C9orf43: variants seen among roughly 807,000 people sequenced by gnomAD.
The protein encoded by C9orf43 is chromosome 9 open reading frame 43, also known as uncharacterized protein C9orf43.
Under a neutral mutation model 59.1 loss-of-function variants are expected in C9orf43, and 45 were observed. The observed-to-expected ratio is 0.76, with a 90% CI of 0.60 to 0.98. The LOEUF (loss-of-function observed/expected upper bound fraction) is 0.98. C9orf43 is among the 50% of genes least tolerant of loss of function. The pLI is 0.00. For synonymous variants in C9orf43, 203 were observed against 196.8 expected (o/e 1.03, Z -0.26); for missense variants, 533 against 554.9 (o/e 0.96, Z 0.40).
chr9:113,417,365 A>G (rs1828403845), intron 3 of C9orf43, among the ~76,000 whole-genome samples: 1 of 152,210 alleles, frequency 6.6e-6, no homozygotes, highest in South Asian at 2.1e-4. Context: ...ACTGGATTTT[A>G]GGCCCTTTGA....
At position 113,419,136 on chromosome 9, in the gene C9orf43, T is replaced by C; in HGVS notation, c.316T>C (p.Leu106=). The part of the protein sequence containing the change: ...RPPKGLPDKS[L]INCTNRLPKF... ...TCCGAAGGGTTTACCTGACAAAAGT[T>C]TGATCAACTGTACTAACAGACTTCC... The change falls in exon 4 of 14, where the codon TTG becomes CTG. Residue 106 remains leucine, a synonymous_variant. Transcript: ENST00000374165. 6.2e-7 allele frequency: 1 copy of C among 1,610,544 alleles called. No homozygotes were observed. The highest frequency in any genetic ancestry group is 1.3e-5 in the African/African-American group (1 of 74,994).
At chr9:113,423,244 T>A in intron 6 of C9orf43, 82 bp from the exon 7 acceptor site, 2 of 1,373,430 alleles carry the variant, frequency 1.5e-6, no homozygotes, top group Admixed American at 3.9e-5. Flanking sequence ...GCCAGGGTAG[T>A]GTTGAGAGGC....
intron 1 of C9orf43, among the ~76,000 whole-genome samples, chr9:113,413,026 G>T (rs1828227831): frequency 6.6e-6 from 1 of 152,228 alleles, no homozygotes; most frequent in African/African-American, 2.4e-5. Flanking sequence ...GCTTTTTGGA[G>T]ATGGTGGCAT....
intron 7 of C9orf43, 68 bp downstream of exon 7, chr9:113,423,566 A>C (rs748192032): frequency 7.9e-5 from 116 of 1,469,916 alleles, no homozygotes; most frequent in Non-Finnish European, 1.0e-4. Context: ...GATGGGTCTA[A>C]ACAGTGTGCT....
intron 1 of C9orf43, chr9:113,411,282 A>C: frequency 1.8e-5 from 5 of 273,704 alleles, no homozygotes; most frequent in African/African-American, 2.3e-5. Context: ...AACCATTCTC[A>C]AGGTTTTGCA....
intron 3 of C9orf43, among the ~76,000 whole-genome samples, chr9:113,414,561 A>G (rs1828291240): frequency 6.6e-6 from 1 of 152,004 alleles, no homozygotes; most frequent in Non-Finnish European, 1.5e-5. Context: ...TTGGGATTAC[A>G]GGCATGAGAC....
chr9:113,418,801 A>T (rs1828467947), intron 3 of C9orf43, among the ~76,000 whole-genome samples: 2 of 152,158 alleles, frequency 1.3e-5, no homozygotes, highest in African/African-American at 4.8e-5. Flanking sequence ...CATCTACATC[A>T]AAGTACTTAA....
At chr9:113,423,074 G>T (rs933726745) in intron 6 of C9orf43, among the ~76,000 whole-genome samples, 7 of 152,090 alleles carry the variant, frequency 4.6e-5, no homozygotes, top group Admixed American at 1.3e-4. Flanking sequence ...ATAAATTTTT[G>T]TTCAGTTTGT....
intron 11 of C9orf43, among the ~76,000 whole-genome samples, chr9:113,427,047 A>C (rs957139928): frequency 6.6e-6 from 1 of 152,124 alleles, no homozygotes; most frequent in Non-Finnish European, 1.5e-5. Context: ...TTTAAGGGAG[A>C]GTGGTCTATC....
rs3810925 is a variant in C9orf43 at position 113,410,926 on chromosome 9, G to A, written c.-125G>A. 53,690 of 985,734 alleles carry A rather than the reference G, an allele frequency of 0.054. 1,564 individuals carry two copies. The highest frequency in any genetic ancestry group is 0.1 in the South Asian group (2,186 of 21,590). The allele number at this position is 985,734 out of a possible 1,614,324, so 61.1% of individuals were successfully genotyped here. On this transcript the variant is annotated 5_prime_UTR_variant, in exon 1 of 14. The change creates a premature stop within an existing upstream ORF in the 5' untranslated region. Transcript: ENST00000374165. ...TCTTTTTTCTTTCCTGGAATGGAGT[G>A]GGCAGTCTTTTTCCATCTCTACCGA...
At chr9:113,425,605 C>T (rs1341025568) in intron 10 of C9orf43, 38 bp from the exon 11 acceptor site, 2 of 1,592,472 alleles carry the variant, frequency 1.3e-6, no homozygotes, top group Non-Finnish European at 1.7e-6. Context: ...TCTTTACTTC[C>T]AAAAATCCTA....
chr9:113,423,216 A>T, intron 6 of C9orf43, 110 bp from the exon 7 acceptor site: 2 of 1,066,116 alleles, frequency 1.9e-6, no homozygotes, highest in South Asian at 3.2e-5. Flanking sequence ...AGAGGAGGCA[A>T]CCATGGCTGG....
intron 4 of C9orf43, 46 bp downstream of exon 4, chr9:113,419,211 C>T (rs1171217827): frequency 7.1e-6 from 10 of 1,408,892 alleles, no homozygotes; most frequent in Middle Eastern, 3.7e-4. Flanking sequence ...TTTTTCTTTA[C>T]TAGTGGAAAT....
intron 12 of C9orf43, among the ~76,000 whole-genome samples, chr9:113,428,526 T>C (rs1042711113): frequency 1.3e-5 from 2 of 152,174 alleles, no homozygotes; most frequent in Non-Finnish European, 1.5e-5. Context: ...ACTAAAACAG[T>C]GTTACTTGTG....
chr9:113,417,430 C>T (rs1244226714), intron 3 of C9orf43, among the ~76,000 whole-genome samples: 2 of 152,192 alleles, frequency 1.3e-5, no homozygotes, highest in African/African-American at 2.4e-5. Flanking sequence ...TATTTTAGTG[C>T]GGGCCACTGT....
At chr9:113,422,366 T>G (rs1464184444) in intron 5 of C9orf43, among the ~76,000 whole-genome samples, 183 bp from the exon 6 acceptor site, 1 of 152,210 alleles carries the variant, frequency 6.6e-6, no homozygotes, top group Non-Finnish European at 1.5e-5. Context: ...TGGGCAGCAG[T>G]TACTGCTGGG....
chr9:113,414,407 T>C (rs902358257), intron 3 of C9orf43, among the ~76,000 whole-genome samples: 1 of 151,934 alleles, frequency 6.6e-6, no homozygotes, highest in Non-Finnish European at 1.5e-5. Context: ...CCCAAGTAGC[T>C]AGGACTACAA....
chr9:113,414,279 AT>A (rs1458730748), intron 3 of C9orf43, among the ~76,000 whole-genome samples: 1 of 150,962 alleles, frequency 6.6e-6, no homozygotes, highest in African/African-American at 2.4e-5. Flanking sequence ...CTTTTTATTT[AT>A]TTTTTTTGAG....
In C9orf43 at chr9:113,425,693, T is replaced by G. The variant is rs142848142; in HGVS notation, c.993T>G (p.His331Gln). Residue 331 changes from histidine to glutamine, a missense_variant, in exon 11 of 14, where the codon CAT (histidine) becomes CAG (glutamine). By Grantham distance (24) the His-to-Gln change is conservative. Coordinates refer to ENST00000374165, the MANE Select transcript of C9orf43 (RefSeq NM_001278629.2). ...KSDPGIQSTS[H>Q]KHPVTTVHDR... The stretch of plus-strand genomic sequence containing the variant: ...ATCCAGGGATCCAGAGCACTTCACA[T>G]AAACATCCAGTTACCACCGTTCATG... 294 of 1,614,118 alleles carry G rather than the reference T, an allele frequency of 1.8e-4. No individual in the cohort carries two copies. The African/African-American group carries it at 3.6e-3, about 20-fold the overall frequency.
Sources: gnomAD v4.1 joint callset for allele counts (sites outside exome capture counted in the v4.1 genomes callset) on GRCh38, gnomAD v4.1.1 for gene constraint, MANE v1.5 for transcripts, NCBI Gene and HGNC (gene_info 2026-07-23, HGNC 2026-07-21) for gene names.